Variants in SCN2B observed in about 807,000 individuals in gnomAD.
SCN2B encodes sodium channel regulatory subunit beta-2.
In SCN2B, 14 loss-of-function variants were observed where a neutral mutation model predicts 18.2. The ratio of observed to expected loss-of-function variants is 0.77; its 90% CI spans 0.51 to 1.21. The LOEUF (loss-of-function observed/expected upper bound fraction) is 1.21. Ranked by LOEUF, SCN2B falls within the 50% of genes most tolerant of loss-of-function variation. The probability of loss-of-function intolerance (pLI) is 0.00; values close to 1 mark genes in which losing one functional copy is unlikely to be tolerated. For missense variants in SCN2B, 262 were observed against 286.9 expected (o/e 0.91, Z 0.63); for synonymous variants, 115 against 115.3 (o/e 1.00, Z 0.02).
chr11:118,166,687 A>C lies in SCN2B; in HGVS notation c.*200T>G. 1 of 637,180 alleles carries C rather than the reference A, an allele frequency of 1.6e-6. No individual in the cohort carries two copies. The highest frequency in any genetic ancestry group is 2.8e-6 in the Non-Finnish European group (1 of 358,918). The allele number at this position is 637,180 out of a possible 1,614,324, so 39.5% of individuals were successfully genotyped here. ...CCCCAGGGCCCACACGTCCCAGAGCATGGCAGGTTTCTCGGATGGAAGAGA... is the reference window on the plus strand; with the variant it reads ...CCCCAGGGCCCACACGTCCCAGAGCCTGGCAGGTTTCTCGGATGGAAGAGA... On this transcript the variant is annotated 3_prime_UTR_variant, in exon 4 of 4. Transcript: ENST00000278947.
intron 1 of SCN2B, among the ~76,000 whole-genome samples, chr11:118,172,405 C>G (rs191224777): frequency 6.6e-6 from 1 of 152,372 alleles, no homozygotes; most frequent in East Asian, 1.9e-4. Context: ...TGAAGCCAGC[C>G]TGCCTGGCTC....
chr11:118,173,706 T>C (rs1003666385), intron 1 of SCN2B, among the ~76,000 whole-genome samples: 17 of 152,236 alleles, frequency 1.1e-4, no homozygotes, highest in African/African-American at 3.4e-4. Context: ...TATTTGTTCA[T>C]GGGCCTGTTT....
chr11:118,170,181 T>C (rs938720768), intron 1 of SCN2B, among the ~76,000 whole-genome samples: 8 of 152,134 alleles, frequency 5.3e-5, no homozygotes, highest in East Asian at 1.9e-4. Context: ...GCTTATATTC[T>C]GGGGAGAAGG....
At position 118,163,939 on chromosome 11, in the gene SCN2B, TGGA is replaced by T. The variant is rs1948354631; in HGVS notation, c.*2945_*2947del. 1.3e-5 allele frequency: 2 copies of T among 152,154 alleles called. No homozygotes were observed. Among genetic ancestry groups the T allele is most frequent in the Admixed American group, 1.3e-4 (2 of 15,280 alleles). 9.4% of individuals were successfully genotyped at this position (152,154 alleles called of 1,614,324 possible). A position where few individuals can be genotyped will look rare whatever the true frequency, so the allele number is the denominator to read the frequency against. On this transcript the variant is annotated 3_prime_UTR_variant, in exon 4 of 4. Transcript: ENST00000278947. ...GGGGGAGGCAGCTCTATGAGTCCTC[TGGA>T]GGAGATTCTAAGAGGCTCCAGAAGA...
chr11:118,173,310 G>A (rs1350918659), intron 1 of SCN2B, among the ~76,000 whole-genome samples: 4 of 151,598 alleles, frequency 2.6e-5, no homozygotes, highest in African/African-American at 4.8e-5. Flanking sequence ...GCCTTTGCAC[G>A]TATTTTTGCT....
At chr11:118,173,731 C>T (rs867852142) in intron 1 of SCN2B, among the ~76,000 whole-genome samples, 3 of 152,104 alleles carry the variant, frequency 2.0e-5, no homozygotes, top group South Asian at 2.1e-4. Flanking sequence ...CTAGAGGCTC[C>T]GGGGAACTGA....
Position 118,166,702 on chromosome 11 carries a change from G to A in SCN2B, c.*185C>T. ...GTCCCAGAGCATGGCAGGTTTCTCG[G>A]ATGGAAGAGAGTGGGTCACTCTTGG... is the stretch of plus-strand genomic sequence containing the variant. On this transcript the variant is annotated 3_prime_UTR_variant, in exon 4 of 4. Coordinates refer to ENST00000278947, the MANE Select transcript of SCN2B (RefSeq NM_004588.5). 2.9e-6 allele frequency: 2 copies of A among 678,856 alleles called. No homozygotes were observed. Among genetic ancestry groups the A allele is most frequent in the South Asian group, 1.7e-5 (1 of 58,226 alleles). The allele number at this position is 678,856 out of a possible 1,614,324, so 42.1% of individuals were successfully genotyped here.
rs78038962 is a variant in SCN2B, at chr11:118,167,237, C to A, written c.449-151G>T. 0.015 allele frequency: 11,631 copies of A among 776,802 alleles called. 149 individuals are homozygous for A. Among genetic ancestry groups the A allele is most frequent in the Non-Finnish European group, 0.02 (9,684 of 495,800 alleles). 48.1% of individuals were successfully genotyped at this position (776,802 alleles called of 1,614,324 possible). On this transcript the variant is annotated intron_variant, in intron 3 of 3. Transcript: ENST00000278947. ...AGCCGAAAAGCAATCCAGTGACTGA[C>A]CCTGAAGCGCCGCCACCTCCAAATC...
rs965906452 is a variant in SCN2B, at chr11:118,166,410, C to T, written c.*477G>A. 3 of 217,818 alleles carry T rather than the reference C, an allele frequency of 1.4e-5. No homozygotes were observed. The highest frequency in any genetic ancestry group is 4.6e-5 in the African/African-American group (2 of 43,402). The allele number at this position is 217,818 out of a possible 1,614,324, so 13.5% of individuals were successfully genotyped here. Reference sequence around the variant, plus strand: ...ATCGTCACCTCCAGCCTGATGGCTGCTCTGGGCTGGGAGCAGGGGAGGAGC... The same window carrying T: ...ATCGTCACCTCCAGCCTGATGGCTGTTCTGGGCTGGGAGCAGGGGAGGAGC... On this transcript the variant is annotated 3_prime_UTR_variant, in exon 4 of 4. Transcript: ENST00000278947.
At chr11:118,175,185 A>G (rs137917953) in intron 1 of SCN2B, among the ~76,000 whole-genome samples, 5 of 152,334 alleles carry the variant, frequency 3.3e-5, no homozygotes, top group African/African-American at 7.2e-5. Context: ...CATGCACCAA[A>G]TCACAAACAC....
intron 3 of SCN2B, among the ~76,000 whole-genome samples, chr11:118,167,764 C>T (rs755622269): frequency 6.6e-6 from 1 of 152,146 alleles, no homozygotes; most frequent in Non-Finnish European, 1.5e-5. Flanking sequence ...GCCATGTTGC[C>T]CAGGCTGGTC....
At position 118,166,275 on chromosome 11, in the gene SCN2B, C is replaced by A. The variant is rs532022020; in HGVS notation, c.*612G>T. 42 of 161,150 alleles carry A rather than the reference C, an allele frequency of 2.6e-4. 1 individual carries two copies. Among genetic ancestry groups the A allele is most frequent in the Admixed American group, 2.3e-3 (39 of 17,240 alleles). The allele number at this position is 161,150 out of a possible 1,614,324, so 10.0% of individuals were successfully genotyped here. On this transcript the variant is annotated 3_prime_UTR_variant, in exon 4 of 4. Transcript: ENST00000278947. ...CAATGGAAACGAGGGCCCAACATGG[C>A]CTCCTGGGCCAGGGCACATGTCCAG... is the stretch of plus-strand genomic sequence containing the variant.
intron 1 of SCN2B, among the ~76,000 whole-genome samples, chr11:118,171,000 C>G (rs1300713575): frequency 2.0e-5 from 3 of 152,058 alleles, no homozygotes; most frequent in African/African-American, 7.2e-5. Flanking sequence ...AAGCAGCCGC[C>G]CTGCAGCCTG....
rs773980611 is a variant in SCN2B at position 118,166,783 on chromosome 11, G to T, written c.*104C>A. ...CAGGAGGCCCCAGGTGGGCCCTGGG[G>T]TCCTAGGTCACGGGAAGCACACCAA... On this transcript the variant is annotated 3_prime_UTR_variant, in exon 4 of 4. Transcript: ENST00000278947. 7.0e-7 allele frequency: 1 copy of T among 1,435,140 alleles called. No homozygotes were observed. Among genetic ancestry groups the T allele is most frequent in the Non-Finnish European group, 9.7e-7 (1 of 1,030,846 alleles). The allele number at this position is 1,435,140 out of a possible 1,614,324, so 88.9% of individuals were successfully genotyped here. A position where few individuals can be genotyped will look rare whatever the true frequency, so the allele number is the denominator to read the frequency against.
In SCN2B at chr11:118,168,140, G is replaced by C. The variant is rs761486252; in HGVS notation, c.393C>G (p.Asn131Lys). The C allele has an allele frequency of 6.2e-7, 1 of 1,614,154 alleles. No individual in the cohort carries two copies. ...DEGIYNCYIM[N>K]PPDRHRGHGK... is the part of the protein sequence containing the mutation. ...CATGGCCACGGTGGCGGTCAGGGGG[G>C]TTCATGATGTAGCAGTTGTAAATCC... The change falls in exon 3 of 4, where the codon AAC (asparagine) becomes AAG (lysine). Residue 131 changes from asparagine to lysine, a missense_variant. Physicochemically the swap from Asn to Lys is moderately conservative, Grantham distance 94. Coordinates refer to ENST00000278947, the MANE Select transcript of SCN2B (RefSeq NM_004588.5). This position sits in a 1 kb window ranked among gnomAD's most constrained non-coding sequence, Gnocchi z 4.7.
Position 118,166,896 on chromosome 11 carries a change from G to A in SCN2B, c.639C>T (p.Gly213=), listed in dbSNP as rs371409245. The A allele has an allele frequency of 8.7e-6, 14 of 1,613,782 alleles. No individual in the cohort carries two copies. The highest frequency in any genetic ancestry group is 1.3e-5 in the African/African-American group (1 of 74,892). Reference sequence around the variant, plus strand: ...CAGGGCCGGCCACCCACTACTTGGCGCCATCATCCGGGTTGCCTTCACCGT... The same window carrying A: ...CAGGGCCGGCCACCCACTACTTGGCACCATCATCCGGGTTGCCTTCACCGT... ...KTDGEGNPDD[G]AK The change falls in exon 4 of 4, where the codon GGC becomes GGT. Residue 213 remains glycine (G), a synonymous_variant. Transcript: ENST00000278947.
At position 118,162,965 on chromosome 11, in the gene SCN2B, C is replaced by G. The variant is rs1948344149; in HGVS notation, c.*3922G>C. ...CTTCCAACCACCCCTTCCAACCTCT[C>G]TATAGCACACACAACCAAGAAAGTG... On this transcript the variant is annotated 3_prime_UTR_variant, in exon 4 of 4. Transcript: ENST00000278947. 6.6e-6 allele frequency: 1 copy of G among 152,612 alleles called. No homozygotes were observed. The highest frequency in any genetic ancestry group is 2.4e-5 in the African/African-American group (1 of 41,430). 9.5% of individuals were successfully genotyped at this position (152,612 alleles called of 1,614,324 possible). A position where few individuals can be genotyped will look rare whatever the true frequency, so the allele number is the denominator to read the frequency against.
intron 1 of SCN2B, among the ~76,000 whole-genome samples, chr11:118,170,241 G>A (rs191735763): frequency 2.0e-5 from 3 of 152,290 alleles, no homozygotes; most frequent in African/African-American, 7.2e-5. Flanking sequence ...AGAGACACTC[G>A]GCAAGGTAGA....
chr11:118,168,332 T>G lies in SCN2B; in HGVS notation c.238-37A>C, dbSNP rs1194310839. 1.3e-6 allele frequency: 2 copies of G among 1,575,540 alleles called. No individual in the cohort carries two copies. Among genetic ancestry groups the G allele is most frequent in the African/African-American group, 2.7e-5 (2 of 74,046 alleles). ...GCAAGGGACAGGATGGGTGGCTGGATGAGCAAGGAACTACAAGGACAGTGA... is the reference window on the plus strand; with the variant it reads ...GCAAGGGACAGGATGGGTGGCTGGAGGAGCAAGGAACTACAAGGACAGTGA... On this transcript the variant is annotated intron_variant, in intron 2 of 3. Transcript: ENST00000278947. This position sits in a 1 kb window ranked among gnomAD's most constrained non-coding sequence, Gnocchi z 4.7.
Sources: gnomAD v4.1 joint callset for allele counts (sites outside exome capture counted in the v4.1 genomes callset) on GRCh38, gnomAD v4.1.1 for gene constraint, Gnocchi (gnomAD v3.1) non-coding constraint, MANE v1.5 for transcripts, NCBI Gene and HGNC (gene_info 2026-07-23, HGNC 2026-07-21) for gene names.